Variants in GNG2 observed in about 807,000 individuals in gnomAD.
GNG2 encodes the protein G protein subunit gamma 2.
In GNG2, 5 loss-of-function variants were observed where a neutral mutation model predicts 5.5. That is an observed-to-expected ratio of 0.91 (90% CI 0.48 to 1.92). The LOEUF is 1.92. Among genes scored for constraint, GNG2 ranks in the 30% most tolerant of loss-of-function variants. The probability of loss-of-function intolerance (pLI) is 0.01; values close to 1 mark genes in which losing one functional copy is unlikely to be tolerated. For missense variants in GNG2, 55 were observed against 88.4 expected (o/e 0.62, Z 1.52); for synonymous variants, 28 against 32.0 (o/e 0.88, Z 0.42).
chr14:51,858,569 A>G (rs1373315882), upstream of GNG2, among the ~76,000 whole-genome samples: 4 of 152,212 alleles, frequency 2.6e-5, no homozygotes, highest in Admixed American at 1.3e-4. Flanking sequence ...AAAGACACAA[A>G]AAATTACTGT....
rs548362933 is a variant in GNG2, at chr14:51,845,960, C to T, written c.64+18153C>T. ...AGAGTTTTGTCTCGACATCACTGCT[C>T]CAGCATCTATAAAACATGGGACACT... On this transcript the variant is annotated intron_variant, in intron 2 of 3. Coordinates refer to the GNG2 transcript ENST00000553432. Among the ~76,000 whole-genome samples the T allele has an allele frequency of 2.2e-4, 34 of 152,262 alleles. No homozygotes were observed. The South Asian group carries it at 4.8e-3, about 21-fold the overall frequency.
intron 2 of GNG2, among the ~76,000 whole-genome samples, chr14:51,904,901 GA>G (rs1443373767): frequency 6.6e-6 from 1 of 152,246 alleles, no homozygotes; most frequent in African/African-American, 2.4e-5. Flanking sequence ...ACGTCTGCCT[GA>G]TTGCCCAGTC....
chr14:51,924,412 G>A (rs1350638111), intron 2 of GNG2, among the ~76,000 whole-genome samples: 1 of 152,214 alleles, frequency 6.6e-6, no homozygotes, highest in African/African-American at 2.4e-5. Context: ...AGTTAATAGA[G>A]AAGAATGGGA....
intron 1 of GNG2, among the ~76,000 whole-genome samples, chr14:51,866,476 A>G (rs1882898576): frequency 6.6e-6 from 1 of 151,838 alleles, no homozygotes; most frequent in South Asian, 2.1e-4. Flanking sequence ...CATTCTTACC[A>G]CCTTAGAATT....
At chr14:51,834,640 G>T (rs1027410633) in intron 2 of GNG2, among the ~76,000 whole-genome samples, 6 of 152,200 alleles carry the variant, frequency 3.9e-5, no homozygotes, top group African/African-American at 1.4e-4. Flanking sequence ...TCAATATTGA[G>T]ATTGCTAAAG....
chr14:51,950,772 A>T lies in GNG2; in HGVS notation c.87+7A>T, dbSNP rs762883265. ...CAATATCGACAGGATAAAGGTGAGG[A>T]TGGTCTAACCCCACACTTCATCTAG... is the stretch of plus-strand genomic sequence containing the variant. On this transcript the variant is annotated splice_region_variant and intron_variant, in intron 3 of 3. Coordinates refer to ENST00000556766, the MANE Select transcript of GNG2 (RefSeq NM_053064.5). The T allele has an allele frequency of 5.7e-6, 9 of 1,572,102 alleles. No homozygotes were observed. Among genetic ancestry groups the T allele is most frequent in the Non-Finnish European group, 5.2e-6 (6 of 1,151,530 alleles).
chr14:51,950,585 T>A, intron 2 of GNG2, 65 bp from the exon 3 acceptor site: 2 of 998,178 alleles, frequency 2.0e-6, no homozygotes, highest in Non-Finnish European at 3.1e-6. Flanking sequence ...CTAGTTACGA[T>A]GAACTTGCAC....
chr14:51,930,893 C>A (rs1325289491), intron 2 of GNG2, among the ~76,000 whole-genome samples: 2 of 152,144 alleles, frequency 1.3e-5, no homozygotes, highest in African/African-American at 4.8e-5. Flanking sequence ...TTTTAAACAA[C>A]CAGATCTCAC....
intron 2 of GNG2, among the ~76,000 whole-genome samples, chr14:51,901,436 G>A (rs774674118): frequency 1.3e-5 from 2 of 151,778 alleles, no homozygotes; most frequent in East Asian, 1.9e-4. Flanking sequence ...TCAAGCAGTC[G>A]GCCTGCCTAG....
chr14:51,864,508 T>G (rs1241606535), intron 1 of GNG2, among the ~76,000 whole-genome samples: 1 of 152,204 alleles, frequency 6.6e-6, no homozygotes, highest in Non-Finnish European at 1.5e-5. Context: ...TATCCCTGCG[T>G]AAATAAAATA....
chr14:51,841,520 G>A, intron 2 of GNG2: 1 of 702,046 alleles, frequency 1.4e-6, no homozygotes, highest in East Asian at 2.7e-5. Context: ...GAATCCCAGA[G>A]CATAGAAAAG....
chr14:51,920,346 C>T (rs535175661), intron 2 of GNG2, among the ~76,000 whole-genome samples: 1 of 151,098 alleles, frequency 6.6e-6, no homozygotes, highest in East Asian at 1.9e-4. Context: ...TTTATAATAC[C>T]TAATACAATA....
At chr14:51,919,176 T>G (rs961633729) in intron 2 of GNG2, among the ~76,000 whole-genome samples, 1 of 152,136 alleles carries the variant, frequency 6.6e-6, no homozygotes, top group Non-Finnish European at 1.5e-5. Context: ...ACTCTAAATT[T>G]TATAACTTAG....
At chr14:51,891,102 A>G (rs1306833725) in intron 2 of GNG2, among the ~76,000 whole-genome samples, 1 of 152,228 alleles carries the variant, frequency 6.6e-6, no homozygotes, top group East Asian at 1.9e-4. Flanking sequence ...GATTCCTCTC[A>G]TACCATCTCC....
chr14:51,873,733 G>T (rs1883458202), intron 1 of GNG2: 1 of 152,192 alleles, frequency 6.6e-6, no homozygotes, highest in East Asian at 1.9e-4. Flanking sequence ...CCTCTAAAAG[G>T]CACCAAATGC....
intron 2 of GNG2, among the ~76,000 whole-genome samples, chr14:51,842,995 C>A (rs528391587): frequency 1.1e-4 from 17 of 152,292 alleles, no homozygotes; most frequent in African/African-American, 3.8e-4. Context: ...AAATTTTCTT[C>A]TCCCTCTGGA....
intron 2 of GNG2, among the ~76,000 whole-genome samples, chr14:51,839,379 T>C (rs930307730): frequency 3.9e-5 from 6 of 152,204 alleles, no homozygotes; most frequent in Non-Finnish European, 7.3e-5. Context: ...GTTTACAAAA[T>C]GAGCAGAGGG....
chr14:51,847,854 G>A (rs1249180286), intron 2 of GNG2, among the ~76,000 whole-genome samples: 2 of 116,564 alleles, frequency 1.7e-5, no homozygotes, highest in Non-Finnish European at 3.5e-5. Context: ...ACATAGGGAT[G>A]TTACTCTATG....
chr14:51,942,589 C>CT lies in GNG2; in HGVS notation c.-29-8044dup, dbSNP rs56883654. Among the ~76,000 whole-genome samples, 218 of 81,090 alleles carry CT rather than the reference C, an allele frequency of 2.7e-3. 3 individuals are homozygous for CT. The highest frequency in any genetic ancestry group is 7.1e-3 in the African/African-American group (119 of 16,878). The allele number at this position is 81,090 out of a possible 152,430, so 53.2% of individuals were successfully genotyped here. A position where few individuals can be genotyped will look rare whatever the true frequency, so the allele number is the denominator to read the frequency against. ...ATTTTTTCTCTTTCTTTCTTTCTTT[C>CT]TTTTTTTTTTTTTTTTTAGAGACAG... is the stretch of plus-strand genomic sequence containing the variant. On this transcript the variant is annotated intron_variant, in intron 2 of 3. Coordinates refer to ENST00000556766, the MANE Select transcript of GNG2 (RefSeq NM_053064.5).
Sources: allele counts gnomAD v4.1 joint callset (sites outside exome capture counted in the v4.1 genomes callset), GRCh38; gene constraint gnomAD v4.1.1; transcripts MANE v1.5; gene names NCBI Gene and HGNC (gene_info 2026-07-23, HGNC 2026-07-21).